The following MAF variants were observed in gnomAD, a reference collection of about 807,000 sequenced individuals.
MAF encodes transcription factor Maf.
Under a neutral mutation model 22.0 loss-of-function variants are expected in MAF, and 10 were observed. That is an observed-to-expected ratio of 0.45 (90% CI 0.28 to 0.77). The LOEUF (loss-of-function observed/expected upper bound fraction) is 0.77. Among genes scored for constraint, MAF ranks in the 30% least tolerant of loss-of-function variants. The probability of loss-of-function intolerance (pLI) is 0.12; values close to 1 mark genes in which losing one functional copy is unlikely to be tolerated. For missense variants in MAF, 544 were observed against 548.4 expected, an observed-to-expected ratio of 0.99 and a Z score of 0.08; for synonymous variants, 337 against 255.8, an observed-to-expected ratio of 1.32 and a Z score of -3.03.
chr16:79,280,512 G>T, the MAF span, among the ~76,000 whole-genome samples: 1 of 152,198 alleles, frequency 6.6e-6, no homozygotes. Flanking sequence ...AGCTTGGGGG[G>T]CCACCACCTA....
chr16:79,549,957 T>A, the MAF span, among the ~76,000 whole-genome samples: 1 of 152,068 alleles, frequency 6.6e-6, no homozygotes, highest in African/African-American at 2.4e-5. Flanking sequence ...TTAACTGAGA[T>A]ACTACACAAA....
chr16:79,441,152 A>G, the MAF span, among the ~76,000 whole-genome samples: 2 of 152,234 alleles, frequency 1.3e-5, no homozygotes, highest in Non-Finnish European at 1.5e-5. Context: ...TCTTGAAAAC[A>G]AAAGAGTGAG....
the MAF span, among the ~76,000 whole-genome samples, chr16:79,298,289 C>T: frequency 1.3e-5 from 2 of 152,238 alleles, no homozygotes; most frequent in South Asian, 2.1e-4. Flanking sequence ...TAGGAATCAA[C>T]CTGCCTGTAC....
the MAF span, chr16:79,211,802 G>C: frequency 1.2e-6 from 2 of 1,614,080 alleles, no homozygotes; most frequent in Non-Finnish European, 1.7e-6. Flanking sequence ...GCTAAGTGGA[G>C]CTCAGAGCGG....
At chr16:79,291,860 C>T in the MAF span, among the ~76,000 whole-genome samples, 1 of 149,894 alleles carries the variant, frequency 6.7e-6, no homozygotes, top group African/African-American at 2.5e-5. Flanking sequence ...GGTATCACCT[C>T]TCCTGGTGAA....
chr16:79,367,367 G>T, the MAF span, among the ~76,000 whole-genome samples: 2 of 152,180 alleles, frequency 1.3e-5, no homozygotes, highest in Admixed American at 6.5e-5. Flanking sequence ...TGGTTTGAAA[G>T]ACTGCAGTTA....
chr16:79,440,719 C>G, the MAF span, among the ~76,000 whole-genome samples: 2 of 152,230 alleles, frequency 1.3e-5, no homozygotes, highest in African/African-American at 2.4e-5. Context: ...CCAACCTCAT[C>G]TAATTTCAAA....
intron 1 of MAF, chr16:79,596,131 C>T (rs935374371): frequency 1.9e-6 from 2 of 1,062,290 alleles, no homozygotes; most frequent in African/African-American, 3.3e-5. Context: ...GCTCCTCTGT[C>T]TATGGATGGC....
chr16:79,537,978 G>A, the MAF span, among the ~76,000 whole-genome samples: 1 of 152,112 alleles, frequency 6.6e-6, no homozygotes, highest in Non-Finnish European at 1.5e-5. Flanking sequence ...AAATAACTTT[G>A]TTCTATAATT....
At chr16:79,204,657 G>GCGTACCAAGGTCGCCCTGAC in the MAF span, 3 of 152,140 alleles carry the variant, frequency 2.0e-5, no homozygotes, top group East Asian at 3.9e-4. Flanking sequence ...CAGGCCCTGA[G>GCGTACCAAGGTCGCCCTGAC]AGCGTACCAA....
chr16:79,294,846 G>T, the MAF span, among the ~76,000 whole-genome samples: 1 of 152,114 alleles, frequency 6.6e-6, no homozygotes, highest in Non-Finnish European at 1.5e-5. Context: ...CAACAGCATG[G>T]CATCAACTCA....
At chr16:79,468,642 G>A in the MAF span, among the ~76,000 whole-genome samples, 5 of 152,202 alleles carry the variant, frequency 3.3e-5, no homozygotes, top group Non-Finnish European at 7.3e-5. Context: ...AGGGGTGTTG[G>A]CATTGAGGGG....
At chr16:79,495,025 T>G in the MAF span, among the ~76,000 whole-genome samples, 1 of 152,160 alleles carries the variant, frequency 6.6e-6, no homozygotes, top group Non-Finnish European at 1.5e-5. Context: ...GCTTCCATTT[T>G]CCTCTCCAGG....
At chr16:79,217,059 C>G in the MAF span, among the ~76,000 whole-genome samples, 1 of 152,244 alleles carries the variant, frequency 6.6e-6, no homozygotes, top group Admixed American at 6.5e-5. Flanking sequence ...ATCCAACTGC[C>G]TCAGCCTCCC....
chr16:79,324,913 T>C, the MAF span, among the ~76,000 whole-genome samples: 1 of 152,124 alleles, frequency 6.6e-6, no homozygotes, highest in Non-Finnish European at 1.5e-5. Flanking sequence ...GAGTATCTGC[T>C]CTTGCCTCTT....
At chr16:79,538,259 C>G in the MAF span, among the ~76,000 whole-genome samples, 22 of 152,284 alleles carry the variant, frequency 1.4e-4, 1 homozygote, top group Admixed American at 5.2e-4. Context: ...TGAAACGTTT[C>G]TGTGTGTGTA....
At chr16:79,204,461 A>G in the MAF span, 2 of 152,164 alleles carry the variant, frequency 1.3e-5, no homozygotes, top group African/African-American at 2.4e-5. Flanking sequence ...GTCTCACAAT[A>G]ATAGCAGGTC....
At chr16:79,502,715 ATATATATATATATATATAT>A in the MAF span, among the ~76,000 whole-genome samples, 1 of 41,212 alleles carries the variant, frequency 2.4e-5, no homozygotes, top group African/African-American at 6.2e-5. Flanking sequence ...ATAAATATAT[ATATATATATATATATATAT>A]ATATATATAT....
chr16:79,295,312 GC>G, the MAF span, among the ~76,000 whole-genome samples: 1 of 152,058 alleles, frequency 6.6e-6, no homozygotes, highest in African/African-American at 2.4e-5. Flanking sequence ...CGTGAATCGG[GC>G]GGCCTTCTGA....
Sources: allele counts gnomAD v4.1 joint callset (sites outside exome capture counted in the v4.1 genomes callset), GRCh38; gene constraint gnomAD v4.1.1; transcripts MANE v1.5; gene names NCBI Gene and HGNC (gene_info 2026-07-23, HGNC 2026-07-21).